The following ETV6 variants were observed in gnomAD, a reference collection of about 807,000 sequenced individuals.
ETV6 encodes the protein transcription factor ETV6.
In ETV6, 16 loss-of-function variants were observed where a neutral mutation model predicts 51.1. That is an observed-to-expected ratio of 0.31 (90% CI 0.21 to 0.48). ETV6 has a LOEUF of 0.48. ETV6 is among the 20% of genes least tolerant of loss of function. The pLI is 0.99. For synonymous variants in ETV6, 240 were observed against 224.1 expected (o/e 1.07, Z -0.64); for missense variants, 458 against 594.8 (o/e 0.77, Z 2.39).
At chr12:11,757,946 C>T (rs1262243100) in intron 2 of ETV6, among the ~76,000 whole-genome samples, 3 of 152,146 alleles carry the variant, frequency 2.0e-5, no homozygotes, top group Non-Finnish European at 4.4e-5. Context: ...TGTTCTCTTG[C>T]GAGCTCAGGT....
intron 2 of ETV6, among the ~76,000 whole-genome samples, chr12:11,782,584 A>C (rs952692347): frequency 1.3e-5 from 2 of 152,154 alleles, no homozygotes; most frequent in Non-Finnish European, 2.9e-5. Context: ...GCTTTGTAGG[A>C]TGTTCACTAA....
intron 1 of ETV6, among the ~76,000 whole-genome samples, chr12:11,734,054 C>G (rs1289540452): frequency 6.6e-6 from 1 of 152,164 alleles, no homozygotes; most frequent in African/African-American, 2.4e-5. Flanking sequence ...CTGATTGCAC[C>G]AGGAGATGCA....
intron 1 of ETV6, among the ~76,000 whole-genome samples, chr12:11,704,352 T>G (rs1865035027): frequency 1.3e-5 from 2 of 151,998 alleles, no homozygotes; most frequent in African/African-American, 4.8e-5. Context: ...TTACAAGGCC[T>G]TTTTTTCTTT....
chr12:11,733,407 C>CAAAAAAAAAAAAAA (rs11394100), intron 1 of ETV6, among the ~76,000 whole-genome samples: 1 of 101,078 alleles, frequency 9.9e-6, no homozygotes, highest in Non-Finnish European at 1.8e-5. Context: ...GACTCCATCT[C>CAAAAAAAAAAAAAA]AAAAAAAAAA....
intron 2 of ETV6, among the ~76,000 whole-genome samples, chr12:11,791,780 T>A (rs962274381): frequency 1.3e-4 from 20 of 152,232 alleles, no homozygotes; most frequent in African/African-American, 4.8e-4. Flanking sequence ...TGTTTTTTTT[T>A]AATAATACTT....
intron 1 of ETV6, among the ~76,000 whole-genome samples, chr12:11,680,153 A>G (rs1864499089): frequency 6.6e-6 from 1 of 152,212 alleles, no homozygotes; most frequent in Non-Finnish European, 1.5e-5. Context: ...GTACTTTGCA[A>G]GAGTAATTTG....
At chr12:11,681,121 G>C (rs1270261520) in intron 1 of ETV6, among the ~76,000 whole-genome samples, 5 of 152,166 alleles carry the variant, frequency 3.3e-5, no homozygotes, top group Non-Finnish European at 5.9e-5. Flanking sequence ...TTCTAATATG[G>C]ATGGAGGAAT....
chr12:11,892,291 C>T lies in ETV6; in HGVS notation c.*1245C>T, dbSNP rs1481613825. ...TCCACTGGACACAGAGCTTTGGAGA[C>T]GGAGGATCCCAGAGGGCAGTCTCAG... On this transcript the variant is annotated 3_prime_UTR_variant, in exon 8 of 8. Transcript: ENST00000396373. The T allele has an allele frequency of 3.6e-5, 8 of 221,272 alleles. No homozygotes were observed. The highest frequency in any genetic ancestry group is 1.7e-5 in the Non-Finnish European group (2 of 115,206). The allele number at this position is 221,272 out of a possible 1,614,324, so 13.7% of individuals were successfully genotyped here. A position where few individuals can be genotyped will look rare whatever the true frequency, so the allele number is the denominator to read the frequency against.
At chr12:11,799,490 A>G (rs762721) in intron 2 of ETV6, among the ~76,000 whole-genome samples, 1 of 151,972 alleles carries the variant, frequency 6.6e-6, no homozygotes, top group Non-Finnish European at 1.5e-5. Context: ...TCCCAACTTA[A>G]GTATGAAAGA....
At chr12:11,688,236 AG>A (rs1864674921) in intron 1 of ETV6, among the ~76,000 whole-genome samples, 1 of 152,206 alleles carries the variant, frequency 6.6e-6, no homozygotes, top group Non-Finnish European at 1.5e-5. Context: ...TGGTGTATAC[AG>A]GAAAAGAGTG....
rs1370114920 is a variant in ETV6 at position 11,891,592 on chromosome 12, T to C, written c.*546T>C. The C allele has an allele frequency of 1.1e-5, 6 of 531,706 alleles. No individual in the cohort carries two copies. The highest frequency in any genetic ancestry group is 9.5e-5 in the African/African-American group (5 of 52,788). 32.9% of individuals were successfully genotyped at this position (531,706 alleles called of 1,614,324 possible). A position where few individuals can be genotyped will look rare whatever the true frequency, so the allele number is the denominator to read the frequency against. On this transcript the variant is annotated 3_prime_UTR_variant, in exon 8 of 8. Transcript: ENST00000396373. ...CAGGTCTGTTCCTGTTACTGTTGGG[T>C]CTTGGCTGAAAAAAAAAAATGCTTT...
chr12:11,685,561 A>G (rs1473693336), intron 1 of ETV6, among the ~76,000 whole-genome samples: 1 of 152,120 alleles, frequency 6.6e-6, no homozygotes, highest in Non-Finnish European at 1.5e-5. Flanking sequence ...AGTAAAAACC[A>G]GGAAGTGGGA....
intron 2 of ETV6, among the ~76,000 whole-genome samples, chr12:11,796,407 T>G (rs1945677259): frequency 6.6e-6 from 1 of 152,164 alleles, no homozygotes; most frequent in Non-Finnish European, 1.5e-5. Context: ...CAACAGCCCA[T>G]AACAGATGAG....
At chr12:11,757,178 C>T (rs1252242078) in intron 2 of ETV6, among the ~76,000 whole-genome samples, 2 of 152,116 alleles carry the variant, frequency 1.3e-5, no homozygotes, top group Non-Finnish European at 2.9e-5. Context: ...GTGAATCTTT[C>T]AAAATTCTTA....
At chr12:11,861,347 C>T (rs1946714490) in intron 4 of ETV6, among the ~76,000 whole-genome samples, 1 of 152,170 alleles carries the variant, frequency 6.6e-6, no homozygotes, top group Admixed American at 6.5e-5. Context: ...GACCTTTGTT[C>T]CTGCTTTGCT....
At chr12:11,769,699 T>C (rs1945213028) in intron 2 of ETV6, among the ~76,000 whole-genome samples, 1 of 152,172 alleles carries the variant, frequency 6.6e-6, no homozygotes. Flanking sequence ...AAAAAGAAAA[T>C]ACTCTTGAAA....
At chr12:11,689,509 G>C (rs1864706481) in intron 1 of ETV6, among the ~76,000 whole-genome samples, 1 of 152,076 alleles carries the variant, frequency 6.6e-6, no homozygotes, top group African/African-American at 2.4e-5. Flanking sequence ...GAAAAAACTT[G>C]ATTGTCATCC....
intron 3 of ETV6, among the ~76,000 whole-genome samples, chr12:11,849,123 G>C (rs1218371847): frequency 6.6e-6 from 1 of 151,922 alleles, no homozygotes; most frequent in Non-Finnish European, 1.5e-5. Flanking sequence ...TTGTTTGTTT[G>C]TTTGTTTGAA....
chr12:11,830,409 G>A (rs1946224789), intron 2 of ETV6, among the ~76,000 whole-genome samples: 1 of 152,204 alleles, frequency 6.6e-6, no homozygotes, highest in African/African-American at 2.4e-5. Context: ...TTGTGACCTT[G>A]GGAAAGTCCC....
Sources: gnomAD v4.1 joint callset for allele counts (sites outside exome capture counted in the v4.1 genomes callset) on GRCh38, gnomAD v4.1.1 for gene constraint, MANE v1.5 for transcripts, NCBI Gene and HGNC (gene_info 2026-07-23, HGNC 2026-07-21) for gene names.